The following SPAG16 variants were observed in gnomAD, a reference collection of about 807,000 sequenced individuals.
SPAG16 encodes the protein sperm associated antigen 16.
SPAG16 carries 86 observed loss-of-function variants against 80.4 expected under a neutral mutation model. The ratio of observed to expected loss-of-function variants is 1.07; its 90% confidence interval spans 0.90 to 1.28. The LOEUF (loss-of-function observed/expected upper bound fraction) is 1.28. Ranked by LOEUF, SPAG16 falls within the 50% of genes most tolerant of loss-of-function variation. The pLI is 0.00. For missense variants in SPAG16, 870 were observed against 765.3 expected, an observed-to-expected ratio of 1.14 and a Z score of -1.61; for synonymous variants, 294 against 265.9, an observed-to-expected ratio of 1.11 and a Z score of -1.03.
chr2:213,322,509 T>TTG (rs1183950230), intron 5 of SPAG16, among the ~76,000 whole-genome samples: 4 of 152,112 alleles, frequency 2.6e-5, no homozygotes, highest in African/African-American at 7.2e-5. Context: ...TTTTTTCCAT[T>TTG]TGTATATCCT....
chr2:213,633,839 C>G (rs1415804216), intron 10 of SPAG16, among the ~76,000 whole-genome samples: 1 of 152,182 alleles, frequency 6.6e-6, no homozygotes, highest in East Asian at 1.9e-4. Flanking sequence ...AGAAGTATCA[C>G]AGCTGCTGCT....
At chr2:214,012,555 A>G (rs1465182647) in intron 12 of SPAG16, among the ~76,000 whole-genome samples, 1 of 151,814 alleles carries the variant, frequency 6.6e-6, no homozygotes, top group East Asian at 1.9e-4. Context: ...TCGGCCTCCC[A>G]AAGTGGTTGG....
chr2:214,263,179 CAG>C lies in SPAG16; in HGVS notation c.1720+113915_1720+113916del, dbSNP rs373465912. On this transcript the variant is annotated intron_variant, in intron 15 of 15. Coordinates refer to ENST00000331683, the MANE Select transcript of SPAG16 (RefSeq NM_024532.5). Reference sequence around the variant, plus strand: ...TCTCCAGGACTTTTTCATCTTATAACAGAAAGTTTGTTCTTGATTGAATGGTT... The same window carrying C: ...TCTCCAGGACTTTTTCATCTTATAACAAAGTTTGTTCTTGATTGAATGGTT... 5.8e-4 allele frequency among the ~76,000 whole-genome samples: 88 copies of C among 152,196 alleles called. 1 individual carries two copies. In the Middle Eastern group the frequency reaches 0.01, roughly 18 times the overall value.
At chr2:214,263,040 C>T (rs1691292941) in intron 15 of SPAG16, among the ~76,000 whole-genome samples, 1 of 151,938 alleles carries the variant, frequency 6.6e-6, no homozygotes, top group Non-Finnish European at 1.5e-5. Flanking sequence ...ATGCCTCTAT[C>T]ACTTCATAGT....
chr2:213,910,141 C>T (rs2077601444), intron 11 of SPAG16, among the ~76,000 whole-genome samples: 1 of 152,134 alleles, frequency 6.6e-6, no homozygotes, highest in South Asian at 2.1e-4. Flanking sequence ...CATACATATT[C>T]TATGGTAACA....
At chr2:213,947,362 T>C (rs780430716) in intron 12 of SPAG16, among the ~76,000 whole-genome samples, 87 of 152,268 alleles carry the variant, frequency 5.7e-4, no homozygotes, top group Non-Finnish European at 1.1e-3. Flanking sequence ...TTTATTACTA[T>C]CAGTATTTCT....
At chr2:213,310,263 G>T in intron 4 of SPAG16, 86 bp downstream of exon 4, 1 of 855,204 alleles carries the variant, frequency 1.2e-6, no homozygotes, top group Non-Finnish European at 1.8e-6. Context: ...ACTTTGAAAT[G>T]ACTCAGCCTA....
At chr2:213,328,993 T>C (rs948612407) in intron 5 of SPAG16, among the ~76,000 whole-genome samples, 1 of 152,108 alleles carries the variant, frequency 6.6e-6, no homozygotes, top group African/African-American at 2.4e-5. Context: ...CTGCACAAGC[T>C]CTCCTTTTTT....
At chr2:213,719,426 G>C (rs949098104) in intron 10 of SPAG16, among the ~76,000 whole-genome samples, 8 of 152,112 alleles carry the variant, frequency 5.3e-5, no homozygotes, top group South Asian at 4.1e-4. Flanking sequence ...CCTGTGTGTC[G>C]AATCTCTGTA....
At chr2:213,574,573 C>T (rs185716441) in intron 10 of SPAG16, among the ~76,000 whole-genome samples, 5 of 151,370 alleles carry the variant, frequency 3.3e-5, no homozygotes, top group Middle Eastern at 3.5e-3. Context: ...AATGTTAAAC[C>T]ATACTAATTG....
At chr2:213,715,222 G>GTCTGTCTA (rs547716333) in intron 10 of SPAG16, among the ~76,000 whole-genome samples, 4,594 of 110,518 alleles carry the variant, frequency 0.042, 87 homozygotes, top group African/African-American at 0.06. Flanking sequence ...AGATCTATCT[G>GTCTGTCTA]TCTATCTATC....
intron 10 of SPAG16, among the ~76,000 whole-genome samples, chr2:213,828,325 C>A (rs563991997): frequency 6.6e-6 from 1 of 152,086 alleles, no homozygotes; most frequent in Non-Finnish European, 1.5e-5. Context: ...TGCATTCTTT[C>A]GTATGTCAGT....
chr2:214,339,504 C>T (rs2202899), intron 15 of SPAG16, among the ~76,000 whole-genome samples: 73,722 of 152,010 alleles, frequency 0.48, 21,418 homozygotes, highest in South Asian at 0.65. Flanking sequence ...TTTAAGACAG[C>T]CAAACCATCC....
chr2:213,635,753 C>A (rs1188053936), intron 10 of SPAG16, among the ~76,000 whole-genome samples: 2 of 152,064 alleles, frequency 1.3e-5, no homozygotes, highest in Non-Finnish European at 2.9e-5. Context: ...TGTATATCTT[C>A]TTTTGAGAAT....
intron 13 of SPAG16, among the ~76,000 whole-genome samples, chr2:214,063,486 A>G (rs1412073155): frequency 6.6e-6 from 1 of 152,140 alleles, no homozygotes; most frequent in East Asian, 1.9e-4. Context: ...ATGGCAGGAG[A>G]AACAGGTCAA....
intron 10 of SPAG16, among the ~76,000 whole-genome samples, chr2:213,572,568 A>T (rs532423267): frequency 4.6e-5 from 7 of 152,096 alleles, no homozygotes; most frequent in Admixed American, 2.6e-4. Context: ...GGAGTCAGGG[A>T]CCCACTTGAG....
chr2:213,607,674 C>T (rs2061309982), intron 10 of SPAG16, among the ~76,000 whole-genome samples: 1 of 152,214 alleles, frequency 6.6e-6, no homozygotes, highest in South Asian at 2.1e-4. Context: ...ATACCTCTGT[C>T]TAATGTGAGT....
intron 11 of SPAG16, among the ~76,000 whole-genome samples, chr2:213,916,857 A>C (rs908509784): frequency 8.5e-5 from 13 of 152,170 alleles, no homozygotes; most frequent in African/African-American, 3.1e-4. Context: ...TTTTGTCACG[A>C]AATCTGTGCT....
At chr2:213,329,047 C>A in intron 5 of SPAG16, among the ~76,000 whole-genome samples, 1 of 152,064 alleles carries the variant, frequency 6.6e-6, no homozygotes, top group East Asian at 1.9e-4. Context: ...CTCTTTTTGT[C>A]TTGCACCATG....
Sources: gnomAD v4.1 joint callset for allele counts (sites outside exome capture counted in the v4.1 genomes callset) on GRCh38, gnomAD v4.1.1 for gene constraint, MANE v1.5 for transcripts, NCBI Gene and HGNC (gene_info 2026-07-23, HGNC 2026-07-21) for gene names.